CREB5: variants seen among roughly 807,000 people sequenced by gnomAD.
CREB5 encodes the protein cAMP responsive element binding protein 5.
CREB5 carries 19 observed loss-of-function variants against 57.1 expected under a neutral mutation model. That is an observed-to-expected ratio of 0.33 (90% CI 0.23 to 0.49). The LOEUF is 0.49. Among genes scored for constraint, CREB5 ranks in the 20% least tolerant of loss-of-function variants. CREB5 has a pLI of 0.99. For missense variants in CREB5, 579 were observed against 671.6 expected (o/e 0.86, Z 1.52); for synonymous variants, 238 against 238.3 (o/e 1.00, Z 0.01).
chr7:28,554,926 A>G (rs1486820966), intron 4 of CREB5, among the ~76,000 whole-genome samples: 2 of 152,220 alleles, frequency 1.3e-5, no homozygotes, highest in African/African-American at 4.8e-5. Context: ...GCTAGTAATT[A>G]GAGGGCACTA....
At chr7:28,512,807 G>A (rs1792771899) in intron 4 of CREB5, among the ~76,000 whole-genome samples, 1 of 152,210 alleles carries the variant, frequency 6.6e-6, no homozygotes, top group South Asian at 2.1e-4. Flanking sequence ...TAAGTGCTAA[G>A]TGTTGTTATT....
rs1293270841 is a variant in CREB5, at chr7:28,560,869, C to T, written c.292-9496C>T. Reference sequence around the variant, plus strand: ...GCGCGTGTGTGTGTGCGTGTGCCTGCGTGCGCGTGCGTGCGTGCGTGTGTG... The same window carrying T: ...GCGCGTGTGTGTGTGCGTGTGCCTGTGTGCGCGTGCGTGCGTGCGTGTGTG... On this transcript the variant is annotated intron_variant, in intron 4 of 10. Transcript: ENST00000357727. Among the ~76,000 whole-genome samples the T allele has an allele frequency of 4.2e-3, 121 of 28,586 alleles. 9 individuals carry two copies. In the South Asian group the frequency reaches 0.073, roughly 17 times the overall value. 18.8% of individuals were successfully genotyped at this position (28,586 alleles called of 152,430 possible).
chr7:28,683,225 G>A (rs1016828122), intron 5 of CREB5, among the ~76,000 whole-genome samples: 1 of 152,132 alleles, frequency 6.6e-6, no homozygotes, highest in Non-Finnish European at 1.5e-5. Flanking sequence ...GGAATCTCTT[G>A]AGTCAGAGGG....
intron 1 of CREB5, among the ~76,000 whole-genome samples, chr7:28,378,117 GT>G (rs1304454919): frequency 1.3e-5 from 2 of 152,090 alleles, no homozygotes; most frequent in African/African-American, 4.8e-5. Flanking sequence ...ACACTGGTTG[GT>G]CATAGATGGG....
At chr7:28,523,533 C>T (rs1337972034) in intron 4 of CREB5, among the ~76,000 whole-genome samples, 1 of 152,178 alleles carries the variant, frequency 6.6e-6, no homozygotes, top group Admixed American at 6.5e-5. Flanking sequence ...ACAGTAGAAA[C>T]AGCATTGGTG....
In CREB5 at chr7:28,748,594, G is replaced by A. The variant is rs185965942; in HGVS notation, c.702+24262G>A. On this transcript the variant is annotated intron_variant, in intron 7 of 10. Transcript: ENST00000357727. ...AATACCCAGGGCAGGCTTTGTGGAG[G>A]TACCTTCATCCTTGAGAAGAGAGAC... 4.1e-3 allele frequency among the ~76,000 whole-genome samples: 630 copies of A among 152,284 alleles called. 3 individuals carry two copies. Among genetic ancestry groups the A allele is most frequent in the Non-Finnish European group, 4.0e-3 (275 of 68,028 alleles).
intron 4 of CREB5, among the ~76,000 whole-genome samples, chr7:28,560,931 T>TGCGCGTGTGTGCGTGCGCGC (rs1467935536): frequency 4.1e-5 from 2 of 48,532 alleles, no homozygotes; most frequent in African/African-American, 2.3e-4. Flanking sequence ...TGCGCGTGCG[T>TGCGCGTGTGTGCGTGCGCGC]GTGTGCGTGC....
chr7:28,678,660 A>G (rs1322241080), intron 5 of CREB5, among the ~76,000 whole-genome samples: 1 of 152,236 alleles, frequency 6.6e-6, no homozygotes, highest in Non-Finnish European at 1.5e-5. Flanking sequence ...TTGGAAACCA[A>G]AATATTATGT....
At chr7:28,678,596 A>G (rs1269443440) in intron 5 of CREB5, among the ~76,000 whole-genome samples, 3 of 152,212 alleles carry the variant, frequency 2.0e-5, no homozygotes, top group African/African-American at 7.2e-5. Flanking sequence ...GTGTAAATAG[A>G]GAAACCACAG....
chr7:28,597,946 T>C (rs898868930), intron 5 of CREB5, among the ~76,000 whole-genome samples: 1 of 152,198 alleles, frequency 6.6e-6, no homozygotes, highest in African/African-American at 2.4e-5. Context: ...TATATGTATA[T>C]ATTTGGCAAG....
intron 5 of CREB5, among the ~76,000 whole-genome samples, chr7:28,674,941 CCT>C (rs1321143848): frequency 2.6e-5 from 4 of 152,178 alleles, no homozygotes; most frequent in Admixed American, 2.6e-4. Context: ...ACCGCTTTTC[CCT>C]CTCTTTCTCC....
At chr7:28,308,118 AG>A (rs1184534502) in intron 1 of CREB5, among the ~76,000 whole-genome samples, 1 of 152,226 alleles carries the variant, frequency 6.6e-6, no homozygotes. Flanking sequence ...AGAGCAAATC[AG>A]GCAGCCTTAG....
chr7:28,481,879 G>T (rs1237084234), intron 1 of CREB5, among the ~76,000 whole-genome samples: 1 of 152,152 alleles, frequency 6.6e-6, no homozygotes, highest in Non-Finnish European at 1.5e-5. Flanking sequence ...CACAGAAAGA[G>T]AGAGAGACAC....
At chr7:28,777,677 C>G (rs1358153149) in intron 7 of CREB5, among the ~76,000 whole-genome samples, 2 of 152,156 alleles carry the variant, frequency 1.3e-5, no homozygotes, top group East Asian at 3.8e-4. Flanking sequence ...GTGAATCACT[C>G]TCTTTTGGAG....
intron 5 of CREB5, among the ~76,000 whole-genome samples, chr7:28,620,167 A>T (rs926957817): frequency 6.6e-6 from 1 of 152,200 alleles, no homozygotes; most frequent in East Asian, 1.9e-4. Context: ...CAGTCGTCTC[A>T]TAGATTCTTC....
At chr7:28,461,237 A>T (rs1305951137) in intron 1 of CREB5, among the ~76,000 whole-genome samples, 1 of 152,030 alleles carries the variant, frequency 6.6e-6, no homozygotes, top group African/African-American at 2.4e-5. Context: ...CTCTGAAAAA[A>T]AAAAAAAAGA....
chr7:28,690,286 A>G (rs1801183164), intron 5 of CREB5, among the ~76,000 whole-genome samples: 1 of 152,162 alleles, frequency 6.6e-6, no homozygotes, highest in South Asian at 2.1e-4. Flanking sequence ...AAGAGGCATC[A>G]ATCTCTTCCC....
At chr7:28,789,031 C>G (rs1460067140) in intron 7 of CREB5, among the ~76,000 whole-genome samples, 1 of 152,086 alleles carries the variant, frequency 6.6e-6, no homozygotes, top group Non-Finnish European at 1.5e-5. Flanking sequence ...TGTTAATCTC[C>G]CTAACATGGG....
intron 9 of CREB5, among the ~76,000 whole-genome samples, chr7:28,810,697 A>AACAT (rs1554302668): frequency 1.3e-5 from 2 of 151,240 alleles, no homozygotes; most frequent in Admixed American, 1.3e-4. Flanking sequence ...CTGTCTCAAA[A>AACAT]AAATAAATAA....
Sources: gnomAD v4.1 joint callset for allele counts (sites outside exome capture counted in the v4.1 genomes callset) on GRCh38, gnomAD v4.1.1 for gene constraint, MANE v1.5 for transcripts, NCBI Gene and HGNC (gene_info 2026-07-23, HGNC 2026-07-21) for gene names.